The following EBF1 variants were observed in gnomAD, a reference collection of about 807,000 sequenced individuals.
EBF1 encodes EBF transcription factor 1.
A neutral mutation model predicts 68.4 loss-of-function variants in EBF1; 10 were observed. The observed-to-expected ratio is 0.15, with a 90% CI of 0.09 to 0.25. The LOEUF (loss-of-function observed/expected upper bound fraction) is 0.25, where lower values mean the gene tolerates loss of function less well. Among genes scored for constraint, EBF1 ranks in the 10% least tolerant of loss-of-function variants. The probability of loss-of-function intolerance (pLI) is 1.00; values close to 1 mark genes in which losing one functional copy is unlikely to be tolerated. For missense variants in EBF1, 509 were observed against 794.4 expected (o/e 0.64, Z 4.32); for synonymous variants, 298 against 299.8 (o/e 0.99, Z 0.06).
rs940969536 is a variant in EBF1 at position 159,000,127 on chromosome 5, C to G, written c.554+73269G>C. 1.3e-5 allele frequency among the ~76,000 whole-genome samples: 2 copies of G among 152,248 alleles called. 1 individual carries two copies. The highest frequency in any genetic ancestry group is 3.9e-4 in the East Asian group (2 of 5,188). On this transcript the variant is annotated intron_variant, in intron 6 of 15. Coordinates refer to ENST00000313708, the MANE Select transcript of EBF1 (RefSeq NM_024007.5). ...TGAAAATCATGGCAATCATGCCAAA[C>G]CGTACTCACTAATCATTGTATTCTT...
At chr5:159,072,595 A>G (rs1778009008) in intron 6 of EBF1, among the ~76,000 whole-genome samples, 1 of 152,152 alleles carries the variant, frequency 6.6e-6, no homozygotes, top group Non-Finnish European at 1.5e-5. Context: ...GTATCTATAA[A>G]CCTTCCAGGC....
intron 6 of EBF1, among the ~76,000 whole-genome samples, chr5:158,846,358 C>T (rs1791525963): frequency 6.6e-6 from 1 of 152,224 alleles, no homozygotes; most frequent in Non-Finnish European, 1.5e-5. Context: ...TGCAGAACCT[C>T]CTGCCTCCAT....
At chr5:158,848,482 A>G (rs1038180786) in intron 6 of EBF1, among the ~76,000 whole-genome samples, 12 of 152,344 alleles carry the variant, frequency 7.9e-5, no homozygotes, top group African/African-American at 2.9e-4. Context: ...GATCCCTCAA[A>G]TGCATTTTAA....
At chr5:159,034,110 A>C (rs1314803432) in intron 6 of EBF1, among the ~76,000 whole-genome samples, 1 of 152,222 alleles carries the variant, frequency 6.6e-6, no homozygotes, top group African/African-American at 2.4e-5. Flanking sequence ...ACATCAAAAA[A>C]ACTGCTTCAA....
At chr5:158,876,239 T>C (rs1189037814) in intron 6 of EBF1, among the ~76,000 whole-genome samples, 1 of 152,200 alleles carries the variant, frequency 6.6e-6, no homozygotes, top group South Asian at 2.1e-4. Flanking sequence ...CACTGTACTT[T>C]GCAGGCACTG....
At chr5:158,896,307 A>G (rs991506854) in intron 6 of EBF1, among the ~76,000 whole-genome samples, 5 of 152,110 alleles carry the variant, frequency 3.3e-5, no homozygotes, top group African/African-American at 9.7e-5. Context: ...TTCCTCAACT[A>G]TTACCTATTA....
chr5:158,941,074 A>G, intron 6 of EBF1: 2 of 376,726 alleles, frequency 5.3e-6, no homozygotes, highest in East Asian at 7.6e-5. Context: ...AAAACTGAAA[A>G]CAATCATCTG....
At chr5:158,737,617 T>C (rs1396647106) in intron 10 of EBF1, among the ~76,000 whole-genome samples, 1 of 152,126 alleles carries the variant, frequency 6.6e-6, no homozygotes, top group Non-Finnish European at 1.5e-5. Context: ...TTCAGGTCTC[T>C]TGATGTGTGA....
intron 6 of EBF1, among the ~76,000 whole-genome samples, chr5:158,872,712 A>C (rs1329755177): frequency 6.6e-6 from 1 of 152,214 alleles, no homozygotes; most frequent in Non-Finnish European, 1.5e-5. Flanking sequence ...ACACTGGTAG[A>C]TGAAACAATG....
intron 6 of EBF1, among the ~76,000 whole-genome samples, chr5:158,847,154 C>A (rs1484754413): frequency 6.6e-6 from 1 of 152,176 alleles, no homozygotes; most frequent in Non-Finnish European, 1.5e-5. Context: ...TGAACATGAT[C>A]AACCTGAAAA....
intron 6 of EBF1, among the ~76,000 whole-genome samples, chr5:158,924,642 C>T (rs952584927): frequency 6.6e-6 from 1 of 151,380 alleles, no homozygotes; most frequent in Non-Finnish European, 1.5e-5. Flanking sequence ...CACGAGGTCA[C>T]GAGATCGAGA....
intron 5 of EBF1, among the ~76,000 whole-genome samples, chr5:159,083,249 T>C (rs13159796): frequency 6.6e-6 from 1 of 152,162 alleles, no homozygotes; most frequent in African/African-American, 2.4e-5. Context: ...AAGAAAGAGG[T>C]CATGTTTTAA....
chr5:158,978,449 G>A (rs541817003), intron 6 of EBF1, among the ~76,000 whole-genome samples: 1 of 152,036 alleles, frequency 6.6e-6, no homozygotes, highest in Non-Finnish European at 1.5e-5. Context: ...ACTTCATTTT[G>A]CCTCTTTTTA....
At chr5:159,098,988 A>G (rs1247476195) in intron 1 of EBF1, among the ~76,000 whole-genome samples, 1 of 152,146 alleles carries the variant, frequency 6.6e-6, no homozygotes, top group African/African-American at 2.4e-5. Context: ...AGAAGAAAAG[A>G]GAGCCGGCCG....
intron 6 of EBF1, among the ~76,000 whole-genome samples, chr5:159,057,022 ATAAAG>A (rs1774880504): frequency 6.6e-6 from 1 of 152,184 alleles, no homozygotes; most frequent in Non-Finnish European, 1.5e-5. Context: ...GCTTTTAAAA[ATAAAG>A]TAATATTTTA....
intron 8 of EBF1, among the ~76,000 whole-genome samples, chr5:158,803,133 G>T (rs1326146383): frequency 2.0e-5 from 3 of 152,026 alleles, no homozygotes; most frequent in African/African-American, 7.2e-5. Flanking sequence ...CCAAATTTTT[G>T]AGACTTGGCA....
At chr5:158,883,350 A>ATATATATATACACATACATACATG (rs1436028519) in intron 6 of EBF1, among the ~76,000 whole-genome samples, 1,186 of 25,868 alleles carry the variant, frequency 0.046, 25 homozygotes, top group African/African-American at 0.22. Flanking sequence ...ACATGCATGT[A>ATATATATATACACATACATACATG]TATATATATA....
chr5:158,913,327 A>C (rs1806424923), intron 6 of EBF1, among the ~76,000 whole-genome samples: 1 of 152,242 alleles, frequency 6.6e-6, no homozygotes, highest in Non-Finnish European at 1.5e-5. Context: ...AATAGGATTA[A>C]GACCAGGGCT....
At chr5:159,024,173 T>C (rs1384195066) in intron 6 of EBF1, among the ~76,000 whole-genome samples, 2 of 151,898 alleles carry the variant, frequency 1.3e-5, no homozygotes, top group African/African-American at 4.8e-5. Flanking sequence ...GTTTCTAGAG[T>C]TCCAGGAGCT....
Sources: gnomAD v4.1 joint callset for allele counts (sites outside exome capture counted in the v4.1 genomes callset) on GRCh38, gnomAD v4.1.1 for gene constraint, MANE v1.5 for transcripts, NCBI Gene and HGNC (gene_info 2026-07-23, HGNC 2026-07-21) for gene names.